The following ERC2 variants were observed in gnomAD, a reference collection of about 807,000 sequenced individuals.
The protein encoded by ERC2 is ELKS/RAB6-interacting/CAST family member 2.
Under a neutral mutation model 114.8 loss-of-function variants are expected in ERC2, and 42 were observed. The ratio of observed to expected loss-of-function variants is 0.37; its 90% CI spans 0.29 to 0.47. The LOEUF (loss-of-function observed/expected upper bound fraction) is 0.47. Among genes scored for constraint, ERC2 ranks in the 20% least tolerant of loss-of-function variants. The probability of loss-of-function intolerance (pLI) is 0.99; values close to 1 mark genes in which losing one functional copy is unlikely to be tolerated. For synonymous variants in ERC2, 454 were observed against 425.5 expected (o/e 1.07, Z -0.82); for missense variants, 939 against 1,150.7 (o/e 0.82, Z 2.66).
At chr3:55,746,532 G>A (rs2066319385) in intron 14 of ERC2, among the ~76,000 whole-genome samples, 1 of 152,120 alleles carries the variant, frequency 6.6e-6, no homozygotes, top group Non-Finnish European at 1.5e-5. Flanking sequence ...ATGAGCCACT[G>A]CACCCAGCCT....
intron 8 of ERC2, among the ~76,000 whole-genome samples, chr3:56,012,639 G>A (rs537357313): frequency 6.6e-6 from 1 of 152,234 alleles, no homozygotes; most frequent in Admixed American, 6.5e-5. Context: ...AAAGTAGGTC[G>A]ATTTGCTCTA....
intron 14 of ERC2, among the ~76,000 whole-genome samples, chr3:55,751,604 G>A (rs1436353605): frequency 6.6e-6 from 1 of 152,148 alleles, no homozygotes; most frequent in Non-Finnish European, 1.5e-5. Flanking sequence ...ATCTGCTAGA[G>A]TAACATAGAT....
At chr3:56,152,631 T>C (rs941467884) in intron 4 of ERC2, among the ~76,000 whole-genome samples, 2 of 152,174 alleles carry the variant, frequency 1.3e-5, no homozygotes, top group African/African-American at 4.8e-5. Flanking sequence ...TTTGTCTTTA[T>C]ATTATATTTT....
chr3:55,714,751 T>C (rs985610344), intron 15 of ERC2, among the ~76,000 whole-genome samples: 1 of 145,416 alleles, frequency 6.9e-6, no homozygotes, highest in Non-Finnish European at 1.5e-5. Context: ...CCATTTATAA[T>C]TATTGCTGGG....
At chr3:55,691,193 A>T (rs1323380517) in intron 16 of ERC2, among the ~76,000 whole-genome samples, 1 of 152,134 alleles carries the variant, frequency 6.6e-6, no homozygotes, top group Non-Finnish European at 1.5e-5. Flanking sequence ...GATTTTTAGT[A>T]GTCTCTGAGG....
intron 4 of ERC2, among the ~76,000 whole-genome samples, chr3:56,163,380 T>C (rs777310483): frequency 3.3e-5 from 5 of 152,096 alleles, no homozygotes; most frequent in Non-Finnish European, 7.4e-5. Context: ...GTCTATTAGG[T>C]CCAATTGGTC....
chr3:56,078,834 A>G (rs912996888), intron 7 of ERC2, among the ~76,000 whole-genome samples: 5 of 149,336 alleles, frequency 3.3e-5, no homozygotes, highest in African/African-American at 9.7e-5. Context: ...AATGAACAAT[A>G]TATATATTTA....
intron 5 of ERC2, among the ~76,000 whole-genome samples, chr3:56,147,423 G>A (rs1288432121): frequency 6.6e-6 from 1 of 152,160 alleles, no homozygotes; most frequent in African/African-American, 2.4e-5. Flanking sequence ...AAAGTTGACA[G>A]AAGTATGAAT....
At chr3:56,441,002 G>A (rs559173552) in intron 1 of ERC2, among the ~76,000 whole-genome samples, 1 of 152,272 alleles carries the variant, frequency 6.6e-6, no homozygotes, top group South Asian at 2.1e-4. Context: ...CCTTGAATCT[G>A]GACTGGCCTT....
chr3:55,527,938 G>A (rs538536068), intron 17 of ERC2, among the ~76,000 whole-genome samples: 23 of 152,076 alleles, frequency 1.5e-4, no homozygotes, highest in Non-Finnish European at 2.8e-4. Context: ...AGAGTCAGAG[G>A]CCACTCCTCA....
chr3:55,581,987 G>A (rs1030110676), intron 17 of ERC2, among the ~76,000 whole-genome samples: 1 of 152,086 alleles, frequency 6.6e-6, no homozygotes, highest in Non-Finnish European at 1.5e-5. Context: ...ACTGGCCTGG[G>A]CTTTATCCAG....
intron 12 of ERC2, among the ~76,000 whole-genome samples, chr3:55,974,399 CAG>C (rs1270100022): frequency 1.3e-5 from 2 of 152,212 alleles, no homozygotes; most frequent in African/African-American, 4.8e-5. Context: ...ATCTCCCCTT[CAG>C]AGAGTTGTTT....
intron 7 of ERC2, among the ~76,000 whole-genome samples, chr3:56,020,051 G>A (rs565877544): frequency 3.3e-5 from 5 of 152,170 alleles, no homozygotes; most frequent in African/African-American, 9.6e-5. Flanking sequence ...ATCTGGAATG[G>A]TAATCCAAAT....
intron 17 of ERC2, among the ~76,000 whole-genome samples, chr3:55,546,250 A>T (rs987245051): frequency 2.0e-5 from 3 of 152,076 alleles, no homozygotes; most frequent in African/African-American, 7.2e-5. Context: ...TCCTTCACAG[A>T]CTAGGCTGGC....
At chr3:55,569,370 T>G (rs1372269667) in intron 17 of ERC2, among the ~76,000 whole-genome samples, 1 of 152,134 alleles carries the variant, frequency 6.6e-6, no homozygotes. Context: ...TTAAGTTCAG[T>G]GGCTGAAAAA....
intron 6 of ERC2, among the ~76,000 whole-genome samples, chr3:56,084,152 C>T (rs2077385607): frequency 6.6e-6 from 1 of 152,040 alleles, no homozygotes; most frequent in Admixed American, 6.5e-5. Flanking sequence ...CAAATCAAAA[C>T]TACAGTGAGA....
At chr3:55,567,798 C>G (rs571982160) in intron 17 of ERC2, among the ~76,000 whole-genome samples, 50 of 152,216 alleles carry the variant, frequency 3.3e-4, no homozygotes, top group African/African-American at 1.2e-3. Flanking sequence ...ACCCATGAAG[C>G]CAGGGGGAGG....
Position 55,778,174 on chromosome 3 carries a change from G to A in ERC2, c.2565-43256C>T, listed in dbSNP as rs76949497. On this transcript the variant is annotated intron_variant, in intron 14 of 17. Coordinates refer to ENST00000288221, the MANE Select transcript of ERC2 (RefSeq NM_015576.3). ...CTTATGTATAACTAAATGAATACAC[G>A]TGTGTATGTATATATGTAAATGCAC... 2.6e-4 allele frequency among the ~76,000 whole-genome samples: 40 copies of A among 152,252 alleles called. 2 individuals carry two copies. The highest frequency in any genetic ancestry group is 6.8e-3 in the Middle Eastern group (2 of 294).
intron 7 of ERC2, among the ~76,000 whole-genome samples, chr3:56,032,846 AAAAGAAAGAAAGGAAAG>A (rs1405924917): frequency 1.6e-5 from 2 of 126,098 alleles, no homozygotes; most frequent in Admixed American, 9.2e-5. Context: ...TTGGAAGAAC[AAAAGAAAGAAAGGAAAG>A]AAAGAAAGAA....
Sources: allele counts gnomAD v4.1 joint callset (sites outside exome capture counted in the v4.1 genomes callset), GRCh38; gene constraint gnomAD v4.1.1; transcripts MANE v1.5; gene names NCBI Gene and HGNC (gene_info 2026-07-23, HGNC 2026-07-21).